The following CRTAM variants were observed in gnomAD, a reference collection of about 807,000 sequenced individuals.
CRTAM encodes the protein cytotoxic and regulatory T cell molecule, also known as cytotoxic and regulatory T-cell molecule.
A neutral mutation model predicts 50.0 loss-of-function variants in CRTAM; 44 were observed. That is an observed-to-expected ratio of 0.88 (90% CI 0.69 to 1.13). CRTAM has a LOEUF of 1.13. Ranked by LOEUF, CRTAM falls within the 50% of genes most tolerant of loss-of-function variation. CRTAM has a pLI of 0.00. For synonymous variants in CRTAM, 159 were observed against 169.3 expected (o/e 0.94, Z 0.47); for missense variants, 448 against 457.5 (o/e 0.98, Z 0.19).
At chr11:122,865,658 A>G (rs1218499088) in intron 7 of CRTAM, among the ~76,000 whole-genome samples, 1 of 152,002 alleles carries the variant, frequency 6.6e-6, no homozygotes, top group Non-Finnish European at 1.5e-5. Context: ...TCCATTTTCT[A>G]TGTATCTGTA....
chr11:122,866,110 C>G (rs1172795270), intron 7 of CRTAM, among the ~76,000 whole-genome samples: 1 of 152,174 alleles, frequency 6.6e-6, no homozygotes, highest in Non-Finnish European at 1.5e-5. Flanking sequence ...GAGTCCCAAA[C>G]ACCTCATTAG....
intron 1 of CRTAM, among the ~76,000 whole-genome samples, chr11:122,842,145 A>G (rs185035175): frequency 3.9e-4 from 59 of 152,370 alleles, no homozygotes; most frequent in Non-Finnish European, 1.3e-4. Context: ...GTATCACGAC[A>G]TGGCAAAGGA....
At chr11:122,869,914 T>C (rs1862232956) in intron 9 of CRTAM, among the ~76,000 whole-genome samples, 1 of 152,204 alleles carries the variant, frequency 6.6e-6, no homozygotes, top group African/African-American at 2.4e-5. Flanking sequence ...ATACCCGTCA[T>C]CACATACTCA....
At chr11:122,863,321 AAAAGAAAGAAAG>A (rs137934573) in intron 6 of CRTAM, among the ~76,000 whole-genome samples, 19 of 103,646 alleles carry the variant, frequency 1.8e-4, no homozygotes, top group South Asian at 1.8e-3. Flanking sequence ...GAAAGAAAGA[AAAAGAAAGAAAG>A]AAAGAAAGAA....
chr11:122,863,469 A>G (rs1458531490), intron 6 of CRTAM, among the ~76,000 whole-genome samples: 1 of 152,206 alleles, frequency 6.6e-6, no homozygotes, highest in Non-Finnish European at 1.5e-5. Flanking sequence ...CATTTCATGT[A>G]ATGTGTCAAT....
At chr11:122,839,476 A>G (rs1427836376) in intron 1 of CRTAM, among the ~76,000 whole-genome samples, 1 of 152,226 alleles carries the variant, frequency 6.6e-6, no homozygotes, top group Non-Finnish European at 1.5e-5. Context: ...GTTTATTTTT[A>G]AAGAGTAAGT....
chr11:122,862,246 A>G (rs1002765023), intron 5 of CRTAM: 1 of 569,830 alleles, frequency 1.8e-6, no homozygotes, highest in African/African-American at 1.9e-5. Context: ...GAGGTCCAGC[A>G]TGCTGTGCTT....
rs1157621871 is a variant in CRTAM, at chr11:122,859,484, T to C, written c.653-2980T>C. 4.2e-4 allele frequency among the ~76,000 whole-genome samples: 64 copies of C among 152,218 alleles called. 1 individual carries two copies. The highest frequency in any genetic ancestry group is 1.5e-4 in the Non-Finnish European group (10 of 68,036). Reference sequence around the variant, plus strand: ...AAAAGATTAGTGTGAAAATGTCATTTTTTTACATTTTGAAAATCTCATAAA... The same window carrying C: ...AAAAGATTAGTGTGAAAATGTCATTCTTTTACATTTTGAAAATCTCATAAA... On this transcript the variant is annotated intron_variant, in intron 5 of 9. Coordinates refer to ENST00000227348, the MANE Select transcript of CRTAM (RefSeq NM_019604.4).
rs1862182012 is a variant in CRTAM at position 122,866,861 on chromosome 11, C to T, written c.818-548C>T. On this transcript the variant is annotated intron_variant, in intron 7 of 9. Transcript: ENST00000227348. ...CCTGGCCTCAAGCAACCCTCCCATC[C>T]CAGCCTCCCAAAGTGCTGGGATTAC... is the stretch of plus-strand genomic sequence containing the variant. 3.3e-5 allele frequency among the ~76,000 whole-genome samples: 5 copies of T among 151,928 alleles called. 1 individual carries two copies. In the South Asian group the frequency reaches 1.0e-3, roughly 32 times the overall value.
intron 1 of CRTAM, among the ~76,000 whole-genome samples, chr11:122,844,273 GA>G (rs1861834949): frequency 6.6e-6 from 1 of 152,184 alleles, no homozygotes; most frequent in African/African-American, 2.4e-5. Flanking sequence ...TCCTAAGAAA[GA>G]GAAAAATGAT....
chr11:122,856,205 GATA>G (rs1227808575), intron 5 of CRTAM, among the ~76,000 whole-genome samples: 3 of 152,228 alleles, frequency 2.0e-5, no homozygotes. Context: ...CCCAGAAGGA[GATA>G]ATGTTAGCTG....
At chr11:122,849,770 C>T (rs927728522) in intron 1 of CRTAM, among the ~76,000 whole-genome samples, 2 of 151,980 alleles carry the variant, frequency 1.3e-5, no homozygotes, top group Non-Finnish European at 2.9e-5. Context: ...TGGTACAGTT[C>T]CTGGCATATG....
chr11:122,868,188 A>ATGTG (rs58440037), intron 9 of CRTAM, 89 bp downstream of exon 9: 39,026 of 436,590 alleles, frequency 0.089, 1,977 homozygotes, highest in African/African-American at 0.1. Flanking sequence ...ACAACAGAAT[A>ATGTG]TGTGTGTGTG....
intron 6 of CRTAM, among the ~76,000 whole-genome samples, chr11:122,863,385 G>A (rs980293808): frequency 6.6e-6 from 1 of 151,464 alleles, no homozygotes; most frequent in African/African-American, 2.4e-5. Context: ...AAGAAAGAAA[G>A]AATTGGTTAT....
chr11:122,855,269 A>G (rs1004192646), intron 4 of CRTAM, among the ~76,000 whole-genome samples: 9 of 152,166 alleles, frequency 5.9e-5, no homozygotes, highest in Non-Finnish European at 7.4e-5. Flanking sequence ...TAGAGTTGCA[A>G]AGGACCCTTT....
intron 7 of CRTAM, among the ~76,000 whole-genome samples, chr11:122,866,440 A>G (rs1047669231): frequency 6.6e-6 from 1 of 152,258 alleles, no homozygotes; most frequent in African/African-American, 2.4e-5. Flanking sequence ...TTGTTTATAT[A>G]TAGAGACAGC....
chr11:122,852,866 A>G (rs1326892147), intron 3 of CRTAM, among the ~76,000 whole-genome samples: 1 of 152,160 alleles, frequency 6.6e-6, no homozygotes, highest in African/African-American at 2.4e-5. Flanking sequence ...CAAGTAACAC[A>G]TCTAATGTAT....
At chr11:122,848,714 C>CT (rs1272769829) in intron 1 of CRTAM, among the ~76,000 whole-genome samples, 1 of 152,088 alleles carries the variant, frequency 6.6e-6, no homozygotes, top group African/African-American at 2.4e-5. Flanking sequence ...CTCCTGGTTT[C>CT]TTTTTTGTTG....
At chr11:122,839,212 G>A (rs113011057) in intron 1 of CRTAM, among the ~76,000 whole-genome samples, 78 of 152,240 alleles carry the variant, frequency 5.1e-4, no homozygotes, top group Non-Finnish European at 6.6e-4. Flanking sequence ...GATTACAGGC[G>A]TAAGCCACCG....
Sources: gnomAD v4.1 joint callset for allele counts (sites outside exome capture counted in the v4.1 genomes callset) on GRCh38, gnomAD v4.1.1 for gene constraint, MANE v1.5 for transcripts, NCBI Gene and HGNC (gene_info 2026-07-23, HGNC 2026-07-21) for gene names.